Variants in CSDE1 observed in about 807,000 individuals in gnomAD.
CSDE1 encodes the protein cold shock domain-containing protein E1.
In CSDE1, 17 loss-of-function variants were observed where a neutral mutation model predicts 89.3. That is an observed-to-expected ratio of 0.19 (90% CI 0.13 to 0.29). The LOEUF (loss-of-function observed/expected upper bound fraction) is 0.29, where lower values mean the gene tolerates loss of function less well. Ranked by LOEUF, CSDE1 falls within the 10% of genes least tolerant of loss-of-function variation. The pLI is 1.00. For synonymous variants in CSDE1, 322 were observed against 332.8 expected (o/e 0.97, Z 0.35); for missense variants, 672 against 984.2 (o/e 0.68, Z 4.24).
chr1:114,718,577 C>A (rs748288095), intron 19 of CSDE1, 36 bp downstream of exon 19: 2 of 1,600,732 alleles, frequency 1.2e-6, no homozygotes, highest in South Asian at 2.2e-5. Context: ...GTTGGTCTAT[C>A]AGTTGGCCTC....
In CSDE1 at chr1:114,720,291, CCTAA is replaced by C. The variant is rs368189257; in HGVS notation, c.2052+244_2052+247del. 9.5e-3 allele frequency: 3,766 copies of C among 395,974 alleles called. 20 individuals carry two copies. Among genetic ancestry groups the C allele is most frequent in the Non-Finnish European group, 0.012 (2,738 of 222,328 alleles). 24.5% of individuals were successfully genotyped at this position (395,974 alleles called of 1,614,324 possible). Reference sequence around the variant, plus strand: ...GTCCTTCTATTCTGGAAATCTCACCCCTAACTTATTTTCCCCATTGCATAATATT... The same window carrying C: ...GTCCTTCTATTCTGGAAATCTCACCCCTTATTTTCCCCATTGCATAATATT... On this transcript the variant is annotated intron_variant, in intron 17 of 19. Coordinates refer to ENST00000358528, the MANE Select transcript of CSDE1 (RefSeq NM_001007553.3).
At position 114,719,788 on chromosome 1, in the gene CSDE1, A is replaced by T. The variant is rs1433745761; in HGVS notation, c.2053-46T>A. The T allele has an allele frequency of 5.8e-6, 9 of 1,560,432 alleles. No individual in the cohort carries two copies. The East Asian group carries it at 1.8e-4, about 31-fold the overall frequency. On this transcript the variant is annotated intron_variant, in intron 17 of 19. Coordinates refer to ENST00000358528, the MANE Select transcript of CSDE1 (RefSeq NM_001007553.3). ...AAAAAGAGAGGGCATGCCACACCTC[A>T]CTCTGAATGAAGCACAATGCCTGCC... is the stretch of plus-strand genomic sequence containing the variant.
In CSDE1 at chr1:114,741,709, C is replaced by G. The variant is rs1413840628; in HGVS notation, c.1-1819G>C. On this transcript the variant is annotated intron_variant, in intron 2 of 19. Coordinates refer to ENST00000358528, the MANE Select transcript of CSDE1 (RefSeq NM_001007553.3). ...ATAGCATAATGTTGATAACTATGAT[C>G]AATAACAATTTAATGCACATTTCAC... is the stretch of plus-strand genomic sequence containing the variant. The G allele has an allele frequency of 2.8e-6, 4 of 1,424,266 alleles. No homozygotes were observed. In the African/African-American group the frequency reaches 4.3e-5, roughly 15 times the overall value. The allele number at this position is 1,424,266 out of a possible 1,614,324, so 88.2% of individuals were successfully genotyped here. A position where few individuals can be genotyped will look rare whatever the true frequency, so the allele number is the denominator to read the frequency against.
chr1:114,739,073 C>G (rs1660575917), intron 3 of CSDE1, among the ~76,000 whole-genome samples: 1 of 151,856 alleles, frequency 6.6e-6, no homozygotes, highest in South Asian at 2.1e-4. Flanking sequence ...GCTCTGTCGC[C>G]CAGGCTGGAG....
At chr1:114,754,207 G>A (rs907598099) in intron 1 of CSDE1, among the ~76,000 whole-genome samples, 1 of 152,042 alleles carries the variant, frequency 6.6e-6, no homozygotes, top group African/African-American at 2.4e-5. Context: ...TGGTCAGGCT[G>A]GTCTCGAACT....
chr1:114,743,056 G>C (rs1660817935), intron 2 of CSDE1, among the ~76,000 whole-genome samples: 1 of 152,050 alleles, frequency 6.6e-6, no homozygotes, highest in Admixed American at 6.5e-5. Context: ...GTTTTTAACT[G>C]ACAAGCAGTA....
rs1660039123 is a variant in CSDE1 at position 114,730,437 on chromosome 1, A to G, written c.1192-15T>C. ...GAGAGCATATCCTAAAAATGATAAA[A>G]CAAAATTAACTTTCAATTGAAAAAG... is the stretch of plus-strand genomic sequence containing the variant. On this transcript the variant is annotated splice_polypyrimidine_tract_variant and intron_variant, in intron 11 of 19. Transcript: ENST00000358528. The G allele has an allele frequency of 6.2e-7, 1 of 1,610,122 alleles. No homozygotes were observed. The highest frequency in any genetic ancestry group is 8.5e-7 in the Non-Finnish European group (1 of 1,178,576).
chr1:114,718,223 G>A lies in CSDE1; in HGVS notation c.2350-7C>T, dbSNP rs760562179. 2 of 1,611,520 alleles carry A rather than the reference G, an allele frequency of 1.2e-6. No homozygotes were observed. The highest frequency in any genetic ancestry group is 2.2e-5 in the East Asian group (1 of 44,872). ...TTCTTTCTGCACCAAACCCCTGTGG[G>A]GGGGAGAAAAAAAAAACCCTGCAGT... On this transcript the variant is annotated splice_region_variant and splice_polypyrimidine_tract_variant and intron_variant, in intron 19 of 19. Coordinates refer to ENST00000358528, the MANE Select transcript of CSDE1 (RefSeq NM_001007553.3).
chr1:114,750,509 A>T (rs1237314186), intron 1 of CSDE1, among the ~76,000 whole-genome samples: 2 of 152,160 alleles, frequency 1.3e-5, no homozygotes, highest in Non-Finnish European at 2.9e-5. Flanking sequence ...TTTTATAAGG[A>T]TCTAGCTCTG....
intron 10 of CSDE1, among the ~76,000 whole-genome samples, chr1:114,731,316 C>A (rs1660084841): frequency 6.6e-6 from 1 of 151,588 alleles, no homozygotes; most frequent in South Asian, 2.1e-4. Context: ...ACATTTAATC[C>A]TTGCCAAGTC....
At chr1:114,732,004 G>A (rs1197789203) in intron 10 of CSDE1, among the ~76,000 whole-genome samples, 4 of 151,692 alleles carry the variant, frequency 2.6e-5, no homozygotes, top group African/African-American at 4.8e-5. Flanking sequence ...TAGTAGAGAC[G>A]GGGTTTTACC....
At chr1:114,725,374 A>G in intron 14 of CSDE1, 41 bp from the exon 15 acceptor site, 5 of 1,437,324 alleles carry the variant, frequency 3.5e-6, no homozygotes, top group Non-Finnish European at 4.9e-6. Context: ...ACATTACCAT[A>G]AACATCAACA....
rs543941365 is a variant in CSDE1, at chr1:114,721,332, C to T, written c.1874-615G>A. Among the ~76,000 whole-genome samples, 40 of 152,254 alleles carry T rather than the reference C, an allele frequency of 2.6e-4. 1 individual carries two copies. The highest frequency in any genetic ancestry group is 1.8e-3 in the Admixed American group (27 of 15,296). On this transcript the variant is annotated intron_variant, in intron 16 of 19. Transcript: ENST00000358528. ...GTTGTAGTGAGAAAGCAACGAAAAA[C>T]AATATGTAAACAAATGGTTGTGGCT...
intron 10 of CSDE1, among the ~76,000 whole-genome samples, chr1:114,732,175 G>T (rs1010559873): frequency 6.6e-6 from 1 of 152,044 alleles, no homozygotes; most frequent in Non-Finnish European, 1.5e-5. Context: ...GTGTGATCTA[G>T]TGTCTAGATC....
intron 12 of CSDE1, among the ~76,000 whole-genome samples, chr1:114,728,256 A>C (rs1397053930): frequency 6.6e-6 from 1 of 152,226 alleles, no homozygotes; most frequent in Non-Finnish European, 1.5e-5. Flanking sequence ...GAGTTTGGTT[A>C]AGAACAATGT....
chr1:114,747,802 G>A (rs576916381), intron 2 of CSDE1, among the ~76,000 whole-genome samples: 1 of 151,896 alleles, frequency 6.6e-6, no homozygotes, highest in East Asian at 1.9e-4. Context: ...AGGCTGCAGT[G>A]AGCCAAGATC....
chr1:114,751,736 CAG>C (rs1183995630), intron 1 of CSDE1, among the ~76,000 whole-genome samples: 1 of 151,706 alleles, frequency 6.6e-6, no homozygotes, highest in Non-Finnish European at 1.5e-5. Flanking sequence ...AGCCTCCACT[CAG>C]AGTAATACAA....
chr1:114,747,749 T>A (rs569559920), intron 2 of CSDE1, among the ~76,000 whole-genome samples: 63 of 151,766 alleles, frequency 4.2e-4, no homozygotes, highest in African/African-American at 1.5e-3. Context: ...TTTCAGCTAC[T>A]CAGGAGACTG....
intron 12 of CSDE1, among the ~76,000 whole-genome samples, chr1:114,728,067 T>C (rs1006061429): frequency 2.0e-5 from 3 of 152,206 alleles, no homozygotes; most frequent in African/African-American, 7.2e-5. Flanking sequence ...ATAACTGCTA[T>C]ATAATAATTT....
Sources: gnomAD v4.1 joint callset for allele counts (sites outside exome capture counted in the v4.1 genomes callset) on GRCh38, gnomAD v4.1.1 for gene constraint, MANE v1.5 for transcripts, NCBI Gene and HGNC (gene_info 2026-07-23, HGNC 2026-07-21) for gene names.